Variants in SYT9 observed in about 807,000 individuals in gnomAD.
The protein encoded by SYT9 is synaptotagmin 9, also known as synaptotagmin-9.
A neutral mutation model predicts 48.4 loss-of-function variants in SYT9; 22 were observed. That is an observed-to-expected ratio of 0.45 (90% CI 0.32 to 0.65). The LOEUF is 0.65. Ranked by LOEUF, SYT9 falls within the 30% of genes least tolerant of loss-of-function variation. The pLI is 0.03. For synonymous variants in SYT9, 265 were observed against 245.0 expected, an observed-to-expected ratio of 1.08 and a Z score of -0.76; for missense variants, 577 against 622.0, an observed-to-expected ratio of 0.93 and a Z score of 0.77.
intron 3 of SYT9, among the ~76,000 whole-genome samples, chr11:7,374,860 T>G (rs566379997): frequency 2.0e-5 from 3 of 152,316 alleles, no homozygotes; most frequent in South Asian, 4.1e-4. Flanking sequence ...TTTTCTCCCA[T>G]TCTGTAGGTT....
chr11:7,294,710 C>G (rs540450284), intron 1 of SYT9, among the ~76,000 whole-genome samples: 2 of 152,318 alleles, frequency 1.3e-5, no homozygotes, highest in East Asian at 3.9e-4. Context: ...GGGGCTGTGG[C>G]TCTGCCCCAG....
intron 3 of SYT9, among the ~76,000 whole-genome samples, chr11:7,357,638 A>G (rs537026159): frequency 1.3e-5 from 2 of 152,130 alleles, no homozygotes; most frequent in South Asian, 4.2e-4. Context: ...TATAATACTA[A>G]TTATATTAGT....
At chr11:7,308,958 G>A (rs1849081934) in intron 2 of SYT9, among the ~76,000 whole-genome samples, 1 of 152,136 alleles carries the variant, frequency 6.6e-6, no homozygotes. Context: ...TGTACCTCTG[G>A]GATTCTGGCC....
At chr11:7,306,006 A>C (rs1475925709) in intron 2 of SYT9, among the ~76,000 whole-genome samples, 2 of 152,188 alleles carry the variant, frequency 1.3e-5, no homozygotes, top group Admixed American at 6.5e-5. Context: ...GTTTCTGGTC[A>C]GAATGACTTT....
At chr11:7,294,429 G>C (rs1014435035) in intron 1 of SYT9, among the ~76,000 whole-genome samples, 1 of 152,176 alleles carries the variant, frequency 6.6e-6, no homozygotes, top group Non-Finnish European at 1.5e-5. Context: ...ATATGGATGA[G>C]ACTTAAAATA....
chr11:7,338,334 T>C (rs1849662224), intron 3 of SYT9, among the ~76,000 whole-genome samples: 1 of 152,182 alleles, frequency 6.6e-6, no homozygotes, highest in African/African-American at 2.4e-5. Flanking sequence ...TGAATGATTT[T>C]TCATGTCTCA....
intron 3 of SYT9, among the ~76,000 whole-genome samples, chr11:7,387,571 C>G (rs942540039): frequency 2.0e-5 from 3 of 152,014 alleles, no homozygotes; most frequent in Admixed American, 1.3e-4. Context: ...CTTTTTCATT[C>G]CTTATTTCAC....
chr11:7,249,040 C>T (rs1847828241), upstream of SYT9, among the ~76,000 whole-genome samples: 1 of 152,096 alleles, frequency 6.6e-6, no homozygotes, highest in African/African-American at 2.4e-5. Flanking sequence ...ATACTTACAG[C>T]CAGCTGGTTT....
At chr11:7,402,892 T>G (rs1190269242) in intron 3 of SYT9, among the ~76,000 whole-genome samples, 1 of 152,176 alleles carries the variant, frequency 6.6e-6, no homozygotes, top group Non-Finnish European at 1.5e-5. Context: ...TTTGTTCTTA[T>G]TTTTCTCTTG....
At chr11:7,366,592 G>C (rs1405473549) in intron 3 of SYT9, among the ~76,000 whole-genome samples, 1 of 151,716 alleles carries the variant, frequency 6.6e-6, no homozygotes, top group Non-Finnish European at 1.5e-5. Flanking sequence ...AATCCTCCTG[G>C]TTATTATTAT....
At chr11:7,437,260 A>G (rs949114586) in intron 6 of SYT9, among the ~76,000 whole-genome samples, 2 of 152,208 alleles carry the variant, frequency 1.3e-5, no homozygotes, top group Non-Finnish European at 2.9e-5. Flanking sequence ...CAGTATTTCA[A>G]TAAGTCCCCA....
At position 7,252,804 on chromosome 11, in the gene SYT9, C is replaced by A. The variant is rs1847898466; in HGVS notation, c.145+473C>A. Among the ~76,000 whole-genome samples the A allele has an allele frequency of 6.6e-6, 1 of 152,226 alleles. No homozygotes were observed. The highest frequency in any genetic ancestry group is 1.5e-5 in the Non-Finnish European group (1 of 68,032). ...GGTGCTGCTCATCCTTTCTCCCAAG[C>A]GTCTAGTTCCTTTCCTTGGTATGGG... On this transcript the variant is annotated intron_variant, in intron 1 of 6. Transcript: ENST00000318881. The surrounding 1 kb of genome is among the most constrained non-coding windows in gnomAD (Gnocchi z 6.3).
At chr11:7,415,759 T>C (rs1034332001) in intron 3 of SYT9, among the ~76,000 whole-genome samples, 1 of 152,070 alleles carries the variant, frequency 6.6e-6, no homozygotes, top group Admixed American at 6.6e-5. Flanking sequence ...GACACATGAG[T>C]CTGTACAGGG....
intron 3 of SYT9, among the ~76,000 whole-genome samples, chr11:7,322,502 C>T (rs1849355138): frequency 6.6e-6 from 1 of 152,124 alleles, no homozygotes; most frequent in African/African-American, 2.4e-5. Flanking sequence ...CTTGTGATCC[C>T]TCAGACATGT....
chr11:7,260,600 A>C (rs1266741602), intron 1 of SYT9, among the ~76,000 whole-genome samples: 1 of 152,202 alleles, frequency 6.6e-6, no homozygotes, highest in Non-Finnish European at 1.5e-5. Flanking sequence ...CCCAAAGCAA[A>C]GCACACCAGG....
Position 7,397,255 on chromosome 11 carries a change from A to G in SYT9, c.1045-18787A>G, listed in dbSNP as rs192838113. Among the ~76,000 whole-genome samples, 220 of 152,286 alleles carry G rather than the reference A, an allele frequency of 1.4e-3. 1 individual carries two copies. Among genetic ancestry groups the G allele is most frequent in the African/African-American group, 5.0e-3 (207 of 41,566 alleles). On this transcript the variant is annotated intron_variant, in intron 3 of 6. Coordinates refer to ENST00000318881, the MANE Select transcript of SYT9 (RefSeq NM_175733.4). ...ATCCAATTATTCAGCACCATTTGTT[A>G]AAAAGAGTATCCTTTATTAAATTAT... is the stretch of plus-strand genomic sequence containing the variant.
chr11:7,450,724 A>C (rs527880745), intron 6 of SYT9, among the ~76,000 whole-genome samples: 113 of 152,330 alleles, frequency 7.4e-4, no homozygotes, highest in African/African-American at 2.6e-3. Context: ...ATCAAGATGA[A>C]TCTCACAACC....
At chr11:7,422,760 C>T (rs111530727) in intron 6 of SYT9, among the ~76,000 whole-genome samples, 2 of 152,052 alleles carry the variant, frequency 1.3e-5, no homozygotes, top group Non-Finnish European at 2.9e-5. Context: ...GTGACCTGGG[C>T]AGGGGAGTAG....
chr11:7,426,896 A>C (rs1847468721), intron 6 of SYT9, among the ~76,000 whole-genome samples: 1 of 152,154 alleles, frequency 6.6e-6, no homozygotes, highest in Non-Finnish European at 1.5e-5. Context: ...CTTTAAGATA[A>C]AGTTGCATGG....
Sources: allele counts gnomAD v4.1 joint callset (sites outside exome capture counted in the v4.1 genomes callset), GRCh38; gene constraint gnomAD v4.1.1; non-coding constraint Gnocchi (gnomAD v3.1); transcripts MANE v1.5; gene names NCBI Gene and HGNC (gene_info 2026-07-23, HGNC 2026-07-21).